The following STK32B variants were observed in gnomAD, a reference collection of about 807,000 sequenced individuals.
STK32B encodes serine/threonine kinase 32B.
A neutral mutation model predicts 52.6 loss-of-function variants in STK32B; 43 were observed. The observed-to-expected ratio is 0.82, with a 90% confidence interval of 0.64 to 1.05. The LOEUF (loss-of-function observed/expected upper bound fraction) is 1.05, where lower values mean the gene tolerates loss of function less well. Ranked by LOEUF, STK32B falls within the 50% of genes least tolerant of loss-of-function variation. The pLI, the probability that STK32B is intolerant of heterozygous loss-of-function variation, is 0.00. For synonymous variants in STK32B, 238 were observed against 204.3 expected, an observed-to-expected ratio of 1.17 and a Z score of -1.41; for missense variants, 621 against 534.6, an observed-to-expected ratio of 1.16 and a Z score of -1.59.
intron 1 of STK32B, among the ~76,000 whole-genome samples, chr4:5,055,744 G>A (rs1180162711): frequency 1.3e-5 from 2 of 151,868 alleles, no homozygotes; most frequent in African/African-American, 2.4e-5. Flanking sequence ...CCTCTTGCCC[G>A]AGGGCATCTC....
At chr4:5,021,230 C>T in the STK32B span, among the ~76,000 whole-genome samples, 2 of 152,242 alleles carry the variant, frequency 1.3e-5, no homozygotes, top group Non-Finnish European at 2.9e-5. Flanking sequence ...CTTCCAGCCC[C>T]AGTGTTTTAT....
At chr4:5,474,436 C>G (rs570888671) in intron 11 of STK32B, among the ~76,000 whole-genome samples, 6 of 152,236 alleles carry the variant, frequency 3.9e-5, no homozygotes, top group Admixed American at 1.3e-4. Flanking sequence ...TTACCAAGGT[C>G]TGTGCCATCT....
intron 2 of STK32B, among the ~76,000 whole-genome samples, chr4:5,158,653 T>G (rs141666194): frequency 6.6e-6 from 1 of 152,224 alleles, no homozygotes; most frequent in African/African-American, 2.4e-5. Flanking sequence ...TTTTCACAGT[T>G]CCGGAGGCTG....
At chr4:5,495,271 G>C (rs377711542) in intron 11 of STK32B, among the ~76,000 whole-genome samples, 2 of 152,010 alleles carry the variant, frequency 1.3e-5, no homozygotes, top group Non-Finnish European at 2.9e-5. Flanking sequence ...GGCTTTGTTC[G>C]TTTCTTTTTA....
chr4:5,493,527 C>T (rs574087960), intron 11 of STK32B, among the ~76,000 whole-genome samples: 1 of 152,098 alleles, frequency 6.6e-6, no homozygotes, highest in Non-Finnish European at 1.5e-5. Flanking sequence ...TTCAAAAAAC[C>T]AGCTCCTGGA....
At chr4:5,382,112 T>C (rs1224355432) in intron 4 of STK32B, among the ~76,000 whole-genome samples, 1 of 152,190 alleles carries the variant, frequency 6.6e-6, no homozygotes, top group Non-Finnish European at 1.5e-5. Flanking sequence ...GCCTGCATTA[T>C]GGAGGGCAAT....
chr4:5,171,526 G>A (rs1719372231), intron 3 of STK32B, among the ~76,000 whole-genome samples: 1 of 152,128 alleles, frequency 6.6e-6, no homozygotes, highest in African/African-American at 2.4e-5. Flanking sequence ...TTCTCCATAT[G>A]GCTAGCCAGT....
chr4:5,334,227 G>C (rs992249722), intron 4 of STK32B, among the ~76,000 whole-genome samples: 21 of 151,778 alleles, frequency 1.4e-4, no homozygotes, highest in East Asian at 1.9e-4. Flanking sequence ...GTATTTTATT[G>C]TCTTTGAAGC....
intron 7 of STK32B, among the ~76,000 whole-genome samples, chr4:5,455,701 A>G (rs933700889): frequency 6.6e-6 from 1 of 152,112 alleles, no homozygotes; most frequent in Middle Eastern, 3.2e-3. Context: ...AGGGACTGAG[A>G]CGTTCACTGT....
chr4:5,031,271 T>G, the STK32B span, among the ~76,000 whole-genome samples: 1 of 152,244 alleles, frequency 6.6e-6, no homozygotes, highest in African/African-American at 2.4e-5. Flanking sequence ...GAGTACAGAC[T>G]GTGACCCAGT....
intron 2 of STK32B, 137 bp from the exon 3 acceptor site, chr4:5,168,162 G>A (rs1467995929): frequency 8.7e-7 from 1 of 1,144,858 alleles, no homozygotes; most frequent in East Asian, 2.6e-5. Flanking sequence ...GCCTAACTTA[G>A]CAGAGCTGCT....
At chr4:5,289,978 C>T (rs1728791003) in intron 3 of STK32B, among the ~76,000 whole-genome samples, 2 of 151,794 alleles carry the variant, frequency 1.3e-5, no homozygotes, top group Admixed American at 1.3e-4. Flanking sequence ...AGCATAGTAC[C>T]CAATAGGTAG....
chr4:5,180,859 C>G (rs757755520), intron 3 of STK32B, among the ~76,000 whole-genome samples: 1 of 152,168 alleles, frequency 6.6e-6, no homozygotes, highest in Non-Finnish European at 1.5e-5. Flanking sequence ...GATTTGTGCT[C>G]CTAAGCCTGT....
At chr4:5,274,792 C>T (rs1057365691) in intron 3 of STK32B, among the ~76,000 whole-genome samples, 2 of 152,106 alleles carry the variant, frequency 1.3e-5, no homozygotes, top group Non-Finnish European at 2.9e-5. Context: ...AGCTTTCCAT[C>T]GCCGTCCACC....
intron 2 of STK32B, among the ~76,000 whole-genome samples, chr4:5,167,006 G>T (rs1718923123): frequency 6.7e-6 from 1 of 150,094 alleles, no homozygotes; most frequent in Admixed American, 6.7e-5. Context: ...TGCCACATGT[G>T]CATGTCAGCC....
chr4:5,317,640 C>A (rs563999101), intron 3 of STK32B, among the ~76,000 whole-genome samples: 1 of 147,226 alleles, frequency 6.8e-6, no homozygotes, highest in African/African-American at 2.6e-5. Context: ...CTGGACCAGG[C>A]CCTGAGTGGA....
intron 3 of STK32B, among the ~76,000 whole-genome samples, chr4:5,264,867 G>A (rs1303186726): frequency 6.6e-6 from 1 of 152,108 alleles, no homozygotes; most frequent in Non-Finnish European, 1.5e-5. Flanking sequence ...TGTATTTTGT[G>A]AATTCTTTAT....
chr4:5,377,917 G>A (rs375718924), intron 4 of STK32B, among the ~76,000 whole-genome samples: 13 of 152,156 alleles, frequency 8.5e-5, no homozygotes, highest in African/African-American at 3.1e-4. Context: ...GTGTGAAAAT[G>A]GACTAATACA....
intron 1 of STK32B, among the ~76,000 whole-genome samples, chr4:5,131,770 G>A (rs1236571642): frequency 6.6e-6 from 1 of 152,142 alleles, no homozygotes; most frequent in East Asian, 1.9e-4. Flanking sequence ...CCTCTTTTTA[G>A]AAAGGCTTGC....
Sources: gnomAD v4.1 joint callset for allele counts (sites outside exome capture counted in the v4.1 genomes callset) on GRCh38, gnomAD v4.1.1 for gene constraint, MANE v1.5 for transcripts, NCBI Gene and HGNC (gene_info 2026-07-23, HGNC 2026-07-21) for gene names.